HDAC8: variants seen among roughly 807,000 people sequenced by gnomAD.
HDAC8 encodes the protein histone deacetylase-like 1.
Under a neutral mutation model 32.2 loss-of-function variants are expected in HDAC8, and 1 was observed. The ratio of observed to expected loss-of-function variants is 0.03; its 90% CI spans 0.01 to 0.15. The LOEUF (loss-of-function observed/expected upper bound fraction) is 0.15, where lower values mean the gene tolerates loss of function less well. Ranked by LOEUF, HDAC8 falls within the 10% of genes least tolerant of loss-of-function variation. The pLI, the probability that HDAC8 is intolerant of heterozygous loss-of-function variation, is 1.00. For missense variants in HDAC8, 117 were observed against 300.0 expected (o/e 0.39, Z 4.51); for synonymous variants, 108 against 113.9 (o/e 0.95, Z 0.33).
At chrX:72,563,395 G>C (rs936492869) in intron 4 of HDAC8, among the ~76,000 whole-genome samples, 5 of 110,436 alleles carry the variant, frequency 4.5e-5, no homozygotes, top group African/African-American at 1.6e-4. Context: ...TACAAAAAAA[G>C]CCAGGTGTGG....
intron 9 of HDAC8, among the ~76,000 whole-genome samples, chrX:72,453,502 A>AAGAAAG (rs2047639634): frequency 9.1e-6 from 1 of 109,357 alleles, no homozygotes; most frequent in East Asian, 2.8e-4. Flanking sequence ...GAAAGAAAGA[A>AAGAAAG]AGAAAGAAAG....
intron 9 of HDAC8, among the ~76,000 whole-genome samples, chrX:72,433,373 A>G (rs782050978): frequency 4.2e-4 from 47 of 112,169 alleles, no homozygotes; most frequent in Admixed American, 3.9e-3. Flanking sequence ...GTGCTGAAAA[A>G]CCAAAAGAGA....
chrX:72,356,367 GAGA>G (rs2044361631), intron 9 of HDAC8, among the ~76,000 whole-genome samples: 1 of 111,465 alleles, frequency 9.0e-6, no homozygotes, highest in African/African-American at 3.3e-5. Flanking sequence ...CACGGACAAG[GAGA>G]AGAAGGACAC....
chrX:72,567,257 C>T (rs1314342376), intron 4 of HDAC8, among the ~76,000 whole-genome samples: 4 of 112,335 alleles, frequency 3.6e-5, no homozygotes, highest in Non-Finnish European at 7.5e-5. Context: ...GAGACATCTA[C>T]CTCTGGGTTG....
At chrX:72,347,053 C>G (rs997753674) in intron 10 of HDAC8, among the ~76,000 whole-genome samples, 1 of 111,679 alleles carries the variant, frequency 9.0e-6, no homozygotes, top group Non-Finnish European at 1.9e-5. Flanking sequence ...GCCTGTGTTC[C>G]AATGTCCACT....
intron 7 of HDAC8, chrX:72,474,107 C>T (rs1555999118): frequency 1.3e-6 from 1 of 745,222 alleles, no homozygotes; most frequent in African/African-American, 2.3e-5. Flanking sequence ...CATATACATT[C>T]ACACACTTTG....
chrX:72,423,279 A>G (rs1265846584), intron 9 of HDAC8, among the ~76,000 whole-genome samples: 1 of 111,370 alleles, frequency 9.0e-6, no homozygotes, highest in African/African-American at 3.3e-5. Flanking sequence ...TACAAAGTCA[A>G]ACATTAACCA....
At chrX:72,463,808 G>A (rs1555992776) in intron 8 of HDAC8, among the ~76,000 whole-genome samples, 1 of 111,420 alleles carries the variant, frequency 9.0e-6, no homozygotes, top group Non-Finnish European at 1.9e-5. Context: ...TATAATATAT[G>A]CATTTTAAGC....
chrX:72,330,653 C>A (rs1258198128), intron 10 of HDAC8, among the ~76,000 whole-genome samples: 1 of 111,049 alleles, frequency 9.0e-6, no homozygotes, highest in Non-Finnish European at 1.9e-5. Flanking sequence ...CATTTGAAAT[C>A]CTACCGGACT....
At chrX:72,446,870 C>T (rs1195705787) in intron 9 of HDAC8, among the ~76,000 whole-genome samples, 1 of 111,685 alleles carries the variant, frequency 9.0e-6, no homozygotes, top group Admixed American at 9.5e-5. Flanking sequence ...GACACATACA[C>T]CCTCCCAAGA....
intron 7 of HDAC8, among the ~76,000 whole-genome samples, chrX:72,487,089 G>A (rs782007997): frequency 8.9e-6 from 1 of 111,896 alleles, no homozygotes; most frequent in South Asian, 3.8e-4. Flanking sequence ...CAAGCTGGAA[G>A]AATTTTTAAT....
At chrX:72,530,985 G>C (rs1045193709) in intron 4 of HDAC8, among the ~76,000 whole-genome samples, 35 of 112,000 alleles carry the variant, frequency 3.1e-4, no homozygotes, top group African/African-American at 1.1e-3. Context: ...CCTTGAAGGA[G>C]TAGCAGTTTT....
At chrX:72,367,920 C>G (rs2044747504) in intron 9 of HDAC8, among the ~76,000 whole-genome samples, 1 of 112,942 alleles carries the variant, frequency 8.9e-6, no homozygotes, top group Non-Finnish European at 1.9e-5. Flanking sequence ...ATAGCTAAGC[C>G]ATTCAATGGG....
At chrX:72,507,882 A>C (rs1556019853) in intron 4 of HDAC8, among the ~76,000 whole-genome samples, 1 of 112,166 alleles carries the variant, frequency 8.9e-6, no homozygotes, top group East Asian at 2.8e-4. Flanking sequence ...AAACCACAAA[A>C]TCAATCTTTA....
intron 9 of HDAC8, among the ~76,000 whole-genome samples, chrX:72,447,758 A>G (rs1184226741): frequency 8.9e-6 from 1 of 112,263 alleles, no homozygotes; most frequent in African/African-American, 3.2e-5. Flanking sequence ...TACAAAATCA[A>G]TGTGCAAAAT....
chrX:72,331,096 G>A (rs781894638), intron 10 of HDAC8, among the ~76,000 whole-genome samples: 3 of 108,113 alleles, frequency 2.8e-5, no homozygotes, highest in East Asian at 2.9e-4. Flanking sequence ...ACAGGTGTGT[G>A]CCACCATGCC....
At chrX:72,332,802 C>T (rs1344992035) in intron 10 of HDAC8, among the ~76,000 whole-genome samples, 1 of 110,552 alleles carries the variant, frequency 9.0e-6, no homozygotes, top group Non-Finnish European at 1.9e-5. Flanking sequence ...CAGGCATGTG[C>T]CACCATGCTC....
intron 7 of HDAC8, among the ~76,000 whole-genome samples, chrX:72,487,494 G>A (rs2048715409): frequency 9.0e-6 from 1 of 110,889 alleles, no homozygotes; most frequent in Admixed American, 9.6e-5. Flanking sequence ...ATCTCAGGAG[G>A]TTTTATGATT....
At chrX:72,494,978 C>A (rs182682911) in intron 5 of HDAC8, among the ~76,000 whole-genome samples, 178 bp downstream of exon 5, 40 of 111,463 alleles carry the variant, frequency 3.6e-4, no homozygotes, top group Middle Eastern at 4.6e-3. Context: ...AGGAGCCTGG[C>A]TTGGGCAGCA....
Sources: allele counts gnomAD v4.1 joint callset (sites outside exome capture counted in the v4.1 genomes callset), GRCh38; gene constraint gnomAD v4.1.1; transcripts MANE v1.5; gene names NCBI Gene and HGNC (gene_info 2026-07-23, HGNC 2026-07-21).